ZNF69: variants seen among roughly 807,000 people sequenced by gnomAD.
ZNF69 encodes zinc finger protein 69.
In ZNF69, 47 loss-of-function variants were observed where a neutral mutation model predicts 50.9. The observed-to-expected ratio is 0.92, with a 90% CI of 0.73 to 1.18. The LOEUF (loss-of-function observed/expected upper bound fraction) is 1.18. ZNF69 is among the 50% of genes most tolerant of loss of function. ZNF69 has a pLI of 0.00. For synonymous variants in ZNF69, 216 were observed against 223.1 expected, an observed-to-expected ratio of 0.97 and a Z score of 0.29; for missense variants, 717 against 675.1, an observed-to-expected ratio of 1.06 and a Z score of -0.69.
At chr19:11,974,211 TTTTGTTTTGTGTCTAG>T in the ZNF69 span, among the ~76,000 whole-genome samples, 5 of 150,660 alleles carry the variant, frequency 3.3e-5, no homozygotes, top group Admixed American at 3.3e-4. Context: ...TTTTTTTGTT[TTTTGTTTTGTGTCTAG>T]TTCTTGTTAC....
In ZNF69 at chr19:11,905,118, A is replaced by G. The variant is rs780264014; in HGVS notation, c.721A>G (p.Ile241Val). The change falls in exon 4 of 4, where the codon ATT (isoleucine) becomes GTT (valine). Residue 241 changes from isoleucine to valine, a missense_variant. Ile to Val is a conservative substitution (Grantham distance 29). Transcript: ENST00000429654. ...CLSLYLIHERIHTGEKPYECK... is the reference protein window; with the variant it reads ...CLSLYLIHERVHTGEKPYECK... ...CAGTTTATATCTTATCCATGAAAGA[A>G]TTCACACTGGAGAGAAACCATATGA... 1.2e-6 allele frequency: 2 copies of G among 1,614,190 alleles called. No homozygotes were observed. The highest frequency in any genetic ancestry group is 1.7e-5 in the Admixed American group (1 of 60,018).
At chr19:11,891,782 C>G (rs1599343004) in intron 1 of ZNF69, among the ~76,000 whole-genome samples, 1 of 152,204 alleles carries the variant, frequency 6.6e-6, no homozygotes, top group African/African-American at 2.4e-5. Flanking sequence ...CTGTTTTCTT[C>G]ATGGGAAACT....
downstream of ZNF69, among the ~76,000 whole-genome samples, chr19:11,917,586 T>G (rs1972533071): frequency 6.6e-6 from 1 of 152,032 alleles, no homozygotes; most frequent in South Asian, 2.1e-4. Flanking sequence ...TTTTACAGAA[T>G]CTTGCTGCCA....
chr19:11,920,922 T>TA, the ZNF69 span, among the ~76,000 whole-genome samples: 1 of 152,236 alleles, frequency 6.6e-6, no homozygotes, highest in Admixed American at 6.5e-5. Context: ...GTGGGTGCCA[T>TA]AAGGCCCAAT....
At chr19:11,920,746 G>A in the ZNF69 span, among the ~76,000 whole-genome samples, 2 of 152,076 alleles carry the variant, frequency 1.3e-5, no homozygotes, top group African/African-American at 2.4e-5. Flanking sequence ...AAAATTAGCC[G>A]GGCATGGTAG....
intron 1 of ZNF69, among the ~76,000 whole-genome samples, chr19:11,898,203 A>G (rs1446562382): frequency 2.0e-5 from 3 of 152,132 alleles, no homozygotes; most frequent in Admixed American, 2.0e-4. Context: ...GATAACCAAT[A>G]TGTGATATTT....
chr19:11,943,808 A>G, the ZNF69 span, among the ~76,000 whole-genome samples: 1 of 152,196 alleles, frequency 6.6e-6, no homozygotes, highest in Non-Finnish European at 1.5e-5. Context: ...TACAAGTCCA[A>G]ATTTTAAGGA....
chr19:11,942,909 T>A, the ZNF69 span, among the ~76,000 whole-genome samples: 1 of 152,168 alleles, frequency 6.6e-6, no homozygotes, highest in Non-Finnish European at 1.5e-5. Context: ...CCTTCCTTAT[T>A]CCCCCCTTTG....
the ZNF69 span, chr19:11,949,783 A>G: frequency 1.2e-5 from 20 of 1,613,254 alleles, no homozygotes; most frequent in East Asian, 2.0e-4. Flanking sequence ...AAGGACTCAC[A>G]CTGGAGAGAA....
the ZNF69 span, chr19:11,979,665 C>T: frequency 6.2e-7 from 1 of 1,601,070 alleles, no homozygotes; most frequent in Non-Finnish European, 8.5e-7. Flanking sequence ...AGATCTGCCT[C>T]AATCCTTCAA....
chr19:11,889,577 A>C (rs1977031862), intron 1 of ZNF69, among the ~76,000 whole-genome samples: 1 of 152,158 alleles, frequency 6.6e-6, no homozygotes, highest in African/African-American at 2.4e-5. Context: ...GCAATTCTCT[A>C]GCCTCAGCCT....
chr19:11,939,163 C>T, the ZNF69 span, among the ~76,000 whole-genome samples: 11,314 of 152,002 alleles, frequency 0.074, 736 homozygotes, highest in African/African-American at 0.18. Context: ...AAATTTTCTC[C>T]CATTCTATAG....
chr19:11,945,912 G>A, the ZNF69 span, among the ~76,000 whole-genome samples: 77 of 152,232 alleles, frequency 5.1e-4, no homozygotes, highest in Non-Finnish European at 8.2e-4. Context: ...TGCAGGGCAA[G>A]CAGAAAGCTT....
intron 1 of ZNF69, among the ~76,000 whole-genome samples, chr19:11,894,825 G>A (rs760699336): frequency 6.6e-6 from 1 of 152,196 alleles, no homozygotes; most frequent in East Asian, 1.9e-4. Context: ...TGCTATTGAG[G>A]GAAAGGAGAA....
chr19:11,920,916 G>A, the ZNF69 span, among the ~76,000 whole-genome samples: 1 of 152,050 alleles, frequency 6.6e-6, no homozygotes, highest in Non-Finnish European at 1.5e-5. Flanking sequence ...CACACTGTGG[G>A]TGCCATAAGG....
chr19:11,934,650 C>A, the ZNF69 span, among the ~76,000 whole-genome samples: 1 of 147,536 alleles, frequency 6.8e-6, no homozygotes, highest in Non-Finnish European at 1.5e-5. Flanking sequence ...ACTCAGCCTC[C>A]AGAGTGTCTG....
the ZNF69 span, chr19:11,978,212 G>T: frequency 6.2e-7 from 1 of 1,613,770 alleles, no homozygotes; most frequent in Non-Finnish European, 8.5e-7. Flanking sequence ...ACTTCCAGGA[G>T]AAGAAAGCTT....
chr19:11,893,383 C>T (rs948588167), intron 1 of ZNF69, among the ~76,000 whole-genome samples: 2 of 152,100 alleles, frequency 1.3e-5, no homozygotes, highest in Non-Finnish European at 1.5e-5. Context: ...TATGGGATGC[C>T]GGATCTCAAA....
At chr19:11,892,386 CCAGCTGAAGA>C (rs1977116478) in intron 1 of ZNF69, among the ~76,000 whole-genome samples, 1 of 152,020 alleles carries the variant, frequency 6.6e-6, no homozygotes, top group South Asian at 2.1e-4. Flanking sequence ...ATTCAACATT[CCAGCTGAAGA>C]CAATGTGATA....
Sources: gnomAD v4.1 joint callset for allele counts (sites outside exome capture counted in the v4.1 genomes callset) on GRCh38, gnomAD v4.1.1 for gene constraint, MANE v1.5 for transcripts, NCBI Gene and HGNC (gene_info 2026-07-23, HGNC 2026-07-21) for gene names.